NBAS: variants seen among roughly 807,000 people sequenced by gnomAD.
The protein encoded by NBAS is NBAS subunit of NRZ tethering complex.
Under a neutral mutation model 302.5 loss-of-function variants are expected in NBAS, and 219 were observed. The ratio of observed to expected loss-of-function variants is 0.72; its 90% CI spans 0.65 to 0.81. NBAS has a LOEUF of 0.81. Among genes scored for constraint, NBAS ranks in the 30% least tolerant of loss-of-function variants. The probability of loss-of-function intolerance (pLI) is 0.00; values close to 1 mark genes in which losing one functional copy is unlikely to be tolerated. For synonymous variants in NBAS, 1,118 were observed against 1,021.6 expected (o/e 1.09, Z -1.80); for missense variants, 2,932 against 2,841.6 (o/e 1.03, Z -0.72).
At chr2:15,258,503 T>G (rs1215075082) in intron 44 of NBAS, among the ~76,000 whole-genome samples, 2 of 152,046 alleles carry the variant, frequency 1.3e-5, no homozygotes, top group Admixed American at 6.6e-5. Context: ...ATTAATACCC[T>G]GGGAAAGGAA....
chr2:15,101,578 T>C, the NBAS span, among the ~76,000 whole-genome samples: 8 of 152,040 alleles, frequency 5.3e-5, no homozygotes, highest in Admixed American at 4.6e-4. Context: ...TGACTTTGAG[T>C]TGGGGCAGGG....
At chr2:15,509,401 T>C (rs980344096) in intron 10 of NBAS, among the ~76,000 whole-genome samples, 12 of 152,074 alleles carry the variant, frequency 7.9e-5, no homozygotes, top group African/African-American at 1.7e-4. Flanking sequence ...GGACAATAAA[T>C]GGAAGGAAAG....
chr2:15,140,888 A>G, the NBAS span, among the ~76,000 whole-genome samples: 1 of 152,198 alleles, frequency 6.6e-6, no homozygotes, highest in Admixed American at 6.5e-5. Flanking sequence ...TTGAACATAC[A>G]TTTTTCAGAA....
the NBAS span, among the ~76,000 whole-genome samples, chr2:14,914,034 A>T: frequency 6.6e-6 from 1 of 152,182 alleles, no homozygotes; most frequent in African/African-American, 2.4e-5. Flanking sequence ...GGCAAAAGGC[A>T]CTTCTTACAT....
intron 21 of NBAS, among the ~76,000 whole-genome samples, chr2:15,456,673 C>T (rs905360111): frequency 1.3e-5 from 2 of 152,158 alleles, no homozygotes; most frequent in Admixed American, 1.3e-4. Flanking sequence ...ACAAAACACA[C>T]AAAATCGCTG....
intron 25 of NBAS, among the ~76,000 whole-genome samples, chr2:15,403,066 T>C (rs1446762649): frequency 6.6e-6 from 1 of 150,444 alleles, no homozygotes; most frequent in African/African-American, 2.5e-5. Flanking sequence ...GCTTATATTA[T>C]TAGCACCACA....
chr2:15,117,002 C>G, the NBAS span, among the ~76,000 whole-genome samples: 2 of 152,038 alleles, frequency 1.3e-5, no homozygotes, highest in East Asian at 3.9e-4. Context: ...TTTCCTCTTC[C>G]CTATCTGATA....
intron 35 of NBAS, among the ~76,000 whole-genome samples, chr2:15,347,138 A>T (rs60970640): frequency 0.058 from 8,897 of 152,184 alleles, 862 homozygotes; most frequent in African/African-American, 0.2. Context: ...ATAAATTTTT[A>T]AAAAAGTCAG....
chr2:15,328,703 C>G (rs554874477), intron 36 of NBAS, among the ~76,000 whole-genome samples: 1 of 152,302 alleles, frequency 6.6e-6, no homozygotes, highest in East Asian at 1.9e-4. Flanking sequence ...CTTAAAAATC[C>G]TTTAGTAGCT....
At chr2:14,820,380 G>A in the NBAS span, among the ~76,000 whole-genome samples, 11 of 152,280 alleles carry the variant, frequency 7.2e-5, no homozygotes, top group East Asian at 1.9e-3. Flanking sequence ...GATAGAACTG[G>A]AGGTCATTAT....
chr2:15,075,267 G>T, the NBAS span, among the ~76,000 whole-genome samples: 189 of 152,290 alleles, frequency 1.2e-3, 1 homozygote, highest in Non-Finnish European at 1.8e-3. Context: ...AGCAAGCTGA[G>T]ATCAACACAT....
intron 12 of NBAS, among the ~76,000 whole-genome samples, chr2:15,484,620 C>T (rs1421443324): frequency 6.6e-6 from 1 of 152,172 alleles, no homozygotes; most frequent in Non-Finnish European, 1.5e-5. Flanking sequence ...AGCCTTACTA[C>T]ACAAATACTA....
At chr2:14,880,322 G>A in the NBAS span, among the ~76,000 whole-genome samples, 6 of 151,572 alleles carry the variant, frequency 4.0e-5, no homozygotes, top group Non-Finnish European at 1.5e-5. Context: ...ACTATAAGAG[G>A]AAATTAAAAA....
intron 25 of NBAS, among the ~76,000 whole-genome samples, chr2:15,406,116 C>CAAAAAAAAAAAAAAAAAA (rs772651880): frequency 3.0e-5 from 4 of 134,522 alleles, no homozygotes; most frequent in Non-Finnish European, 4.7e-5. Flanking sequence ...AAAAAAAAAA[C>CAAAAAAAAAAAAAAAAAA]AAAACAAAAA....
chr2:15,400,185 C>T (rs1676079220), intron 26 of NBAS, among the ~76,000 whole-genome samples: 1 of 150,348 alleles, frequency 6.7e-6, no homozygotes, highest in Admixed American at 6.6e-5. Context: ...TCATTCATAC[C>T]AATTCCAAGA....
intron 35 of NBAS, among the ~76,000 whole-genome samples, chr2:15,349,009 C>T (rs1482863976): frequency 6.6e-6 from 1 of 152,122 alleles, no homozygotes; most frequent in Non-Finnish European, 1.5e-5. Flanking sequence ...AAGACAAGCA[C>T]AAGAGCACAA....
At chr2:15,033,345 T>A in the NBAS span, among the ~76,000 whole-genome samples, 1 of 152,250 alleles carries the variant, frequency 6.6e-6, no homozygotes, top group Non-Finnish European at 1.5e-5. Flanking sequence ...GAGAAATTTT[T>A]TCTCCAGATT....
intron 10 of NBAS, 51 bp from the exon 11 acceptor site, chr2:15,504,264 T>C: frequency 7.2e-7 from 1 of 1,390,424 alleles, no homozygotes; most frequent in Non-Finnish European, 1.0e-6. Flanking sequence ...TGACTTATCG[T>C]TGTAAAATGT....
At chr2:15,198,639 C>A (rs1220651057) in intron 48 of NBAS, among the ~76,000 whole-genome samples, 1 of 152,172 alleles carries the variant, frequency 6.6e-6, no homozygotes, top group Non-Finnish European at 1.5e-5. Context: ...GTTGAAAATA[C>A]TGATGCCAGT....
Sources: gnomAD v4.1 joint callset for allele counts (sites outside exome capture counted in the v4.1 genomes callset) on GRCh38, gnomAD v4.1.1 for gene constraint, MANE v1.5 for transcripts, NCBI Gene and HGNC (gene_info 2026-07-23, HGNC 2026-07-21) for gene names.